GATA6: variants seen among roughly 807,000 people sequenced by gnomAD.
GATA6 encodes the protein transcription factor GATA-6.
A neutral mutation model predicts 48.1 loss-of-function variants in GATA6; 11 were observed. The observed-to-expected ratio is 0.23, with a 90% CI of 0.14 to 0.38. The LOEUF (loss-of-function observed/expected upper bound fraction) is 0.38. Ranked by LOEUF, GATA6 falls within the 10% of genes least tolerant of loss-of-function variation. The pLI is 1.00. For missense variants in GATA6, 795 were observed against 850.3 expected, an observed-to-expected ratio of 0.93 and a Z score of 0.81; for synonymous variants, 419 against 396.1, an observed-to-expected ratio of 1.06 and a Z score of -0.69.
intron 6 of GATA6, among the ~76,000 whole-genome samples, chr18:22,193,325 CA>C (rs2033350214): frequency 1.3e-5 from 2 of 152,286 alleles, no homozygotes; most frequent in East Asian, 3.9e-4. Flanking sequence ...CTATTACTGT[CA>C]CTTTGTATCT....
chr18:22,173,266 TG>T (rs1567993279), intron 2 of GATA6, among the ~76,000 whole-genome samples: 2 of 152,364 alleles, frequency 1.3e-5, no homozygotes, highest in South Asian at 4.1e-4. Context: ...TGCTTTCAAC[TG>T]GCTTATCTTA....
chr18:22,173,111 G>A (rs1465507171), intron 2 of GATA6, among the ~76,000 whole-genome samples: 1 of 152,178 alleles, frequency 6.6e-6, no homozygotes, highest in Non-Finnish European at 1.5e-5. Flanking sequence ...GTATCTGGGA[G>A]CCATTAGGGG....
intron 3 of GATA6, among the ~76,000 whole-genome samples, chr18:22,177,664 C>A (rs1255993617): frequency 6.6e-6 from 1 of 152,100 alleles, no homozygotes; most frequent in Non-Finnish European, 1.5e-5. Flanking sequence ...ATTCGTCCCC[C>A]AAATAGAATA....
rs2033470248 is a variant in GATA6, at chr18:22,202,086, CT to C, written c.*1265del. 1 of 152,128 alleles carries C rather than the reference CT, an allele frequency of 6.6e-6. No individual in the cohort carries two copies. The highest frequency in any genetic ancestry group is 1.5e-5 in the Non-Finnish European group (1 of 68,030). 9.4% of individuals were successfully genotyped at this position (152,128 alleles called of 1,614,324 possible). A position where few individuals can be genotyped will look rare whatever the true frequency, so the allele number is the denominator to read the frequency against. On this transcript the variant is annotated 3_prime_UTR_variant, in exon 7 of 7. Transcript: ENST00000269216. ...TGAAGTTTGCAAAATGCTTTAAGGC[CT>C]TCCTTTCAAAGCATAGTCCTTTTGG...
rs767183588 is a variant in GATA6 at position 22,176,963 on chromosome 18, G to A, written c.1144G>A (p.Glu382Lys). The A allele has an allele frequency of 2.6e-6, 4 of 1,557,334 alleles. No homozygotes were observed. Among genetic ancestry groups the A allele is most frequent in the South Asian group, 2.3e-5 (2 of 85,132 alleles). The change falls in exon 3 of 7, where the codon GAG (glutamate) becomes AAG (lysine). Residue 382 changes from glutamate to lysine, a missense_variant. Around this residue, in one of 5 missense-constraint regions of GATA6, gnomAD observed 591 missense variants for 570.0 expected, o/e 1.04. Transcript: ENST00000269216. Reference sequence around the variant, plus strand: ...CACCGCTGTCGCCGCAGACCTGCTGGAGGACCTGTCCGAGAGCCGCGAGTG... The same window carrying A: ...CACCGCTGTCGCCGCAGACCTGCTGAAGGACCTGTCCGAGAGCCGCGAGTG... Reference protein sequence around the residue: ...VPRGPSADLLEDLSESRECVN... With the variant: ...VPRGPSADLLKDLSESRECVN...
At chr18:22,194,130 C>T (rs1028720096) in intron 6 of GATA6, among the ~76,000 whole-genome samples, 3 of 152,112 alleles carry the variant, frequency 2.0e-5, no homozygotes, top group Non-Finnish European at 2.9e-5. Flanking sequence ...CTCAGGCTAG[C>T]GGATATTTTC....
In GATA6 at chr18:22,170,980, A is replaced by G. The variant is rs2033026696; in HGVS notation, c.-37-128A>G. 6.0e-6 allele frequency: 4 copies of G among 662,010 alleles called. No homozygotes were observed. The highest frequency in any genetic ancestry group is 1.8e-5 in the African/African-American group (1 of 55,752). 41.0% of individuals were successfully genotyped at this position (662,010 alleles called of 1,614,324 possible). A position where few individuals can be genotyped will look rare whatever the true frequency, so the allele number is the denominator to read the frequency against. ...GAAATAGGATCTTTGAGAAGTCTCAAATGGGATCTTTGAGAAGTCAGATCC... is the reference window on the plus strand; with the variant it reads ...GAAATAGGATCTTTGAGAAGTCTCAGATGGGATCTTTGAGAAGTCAGATCC... On this transcript the variant is annotated intron_variant, in intron 1 of 6. Coordinates refer to ENST00000269216, the MANE Select transcript of GATA6 (RefSeq NM_005257.6). The surrounding 1 kb of genome is among the most constrained non-coding windows in gnomAD (Gnocchi z 6.7).
intron 4 of GATA6, 96 bp from the exon 5 acceptor site, chr18:22,182,660 CA>C (rs2033213414): frequency 2.2e-6 from 2 of 921,238 alleles, no homozygotes; most frequent in African/African-American, 3.4e-5. Flanking sequence ...ACTCGGCCGC[CA>C]AATTCTTTTA....
intron 3 of GATA6, among the ~76,000 whole-genome samples, chr18:22,179,508 TA>T (rs1390677667): frequency 6.6e-6 from 1 of 152,232 alleles, no homozygotes; most frequent in Non-Finnish European, 1.5e-5. Context: ...AGTCCTTTGT[TA>T]TAATGGCAAA....
chr18:22,196,307 A>G (rs2033388278), intron 6 of GATA6, among the ~76,000 whole-genome samples: 1 of 152,050 alleles, frequency 6.6e-6, no homozygotes, highest in Admixed American at 6.6e-5. Context: ...TGATAGCAGG[A>G]CTCTTGGCCT....
intron 6 of GATA6, among the ~76,000 whole-genome samples, chr18:22,196,110 C>T (rs1198128030): frequency 6.6e-6 from 1 of 152,162 alleles, no homozygotes; most frequent in Admixed American, 6.5e-5. Flanking sequence ...GTAACATCAG[C>T]CTTTCTTTGC....
At chr18:22,177,216 C>G in intron 3 of GATA6, 95 bp downstream of exon 3, 2 of 1,213,762 alleles carry the variant, frequency 1.6e-6, no homozygotes, top group Non-Finnish European at 2.2e-6. Flanking sequence ...TTGGGCGTCC[C>G]CCTCCCAGGG....
At chr18:22,189,969 C>T (rs569237087) in intron 6 of GATA6, among the ~76,000 whole-genome samples, 1 of 152,290 alleles carries the variant, frequency 6.6e-6, no homozygotes, top group East Asian at 1.9e-4. Context: ...ACGTTGGCCG[C>T]AGGTCTGGCT....
chr18:22,198,509 G>A (rs983427951), intron 6 of GATA6, among the ~76,000 whole-genome samples: 5 of 152,174 alleles, frequency 3.3e-5, no homozygotes, highest in Admixed American at 6.5e-5. Flanking sequence ...CACTTGTTGC[G>A]GTGAAGTCAG....
chr18:22,176,390 T>C (rs2033122217), intron 2 of GATA6: 1 of 152,272 alleles, frequency 6.6e-6, no homozygotes, highest in Non-Finnish European at 1.5e-5. Context: ...GAATAGTACT[T>C]TTAATTTCAC....
At chr18:22,184,790 C>T (rs997697081) in intron 6 of GATA6, among the ~76,000 whole-genome samples, 14 of 152,170 alleles carry the variant, frequency 9.2e-5, no homozygotes, top group East Asian at 3.9e-4. Context: ...TGAGTCACCG[C>T]GCCTGGCCTA....
chr18:22,171,631 G>A lies in GATA6; in HGVS notation c.487G>A (p.Asp163Asn). The change falls in exon 2 of 7, where the codon GAC becomes AAC. Residue 163 changes from aspartate to asparagine, a missense_variant. By Grantham distance (23) the Asp-to-Asn change is conservative. Transcript: ENST00000269216. The surrounding 1 kb of genome is among the most constrained non-coding windows in gnomAD (Gnocchi z 7.1). ...CTCCAGCCAGGGTCCGGCCGCCTAC[G>A]ACGGCGCGCCCGGCGGCTTCGTGCA... is the stretch of plus-strand genomic sequence containing the variant. ...ALSSQGPAAYDGAPGGFVHSA... is the reference protein window; with the variant it reads ...ALSSQGPAAYNGAPGGFVHSA... 1.3e-6 allele frequency: 2 copies of A among 1,595,970 alleles called. No individual in the cohort carries two copies. Among genetic ancestry groups the A allele is most frequent in the Non-Finnish European group, 1.7e-6 (2 of 1,177,728 alleles).
chr18:22,189,881 T>G (rs1427734713), intron 6 of GATA6, among the ~76,000 whole-genome samples: 1 of 152,206 alleles, frequency 6.6e-6, no homozygotes, highest in Non-Finnish European at 1.5e-5. Flanking sequence ...ATTTTATTTT[T>G]TACTCCTCCT....
rs1044896421 is a variant in GATA6, at chr18:22,170,209, C to T, written c.-38+527C>T. Among the ~76,000 whole-genome samples, 1 of 152,212 alleles carries T rather than the reference C, an allele frequency of 6.6e-6. No homozygotes were observed. The highest frequency in any genetic ancestry group is 2.4e-5 in the African/African-American group (1 of 41,468). ...CTCCCCAGCCCGTTGCGTTCCCCCT[C>T]CTTTTCTCTGCTCTCCGCTCCACCC... On this transcript the variant is annotated intron_variant, in intron 1 of 6. Transcript: ENST00000269216. This position sits in a 1 kb window ranked among gnomAD's most constrained non-coding sequence, Gnocchi z 6.7.
Sources: allele counts gnomAD v4.1 joint callset (sites outside exome capture counted in the v4.1 genomes callset), GRCh38; gene constraint gnomAD v4.1.1; regional missense constraint gnomAD v4.1.1; non-coding constraint Gnocchi (gnomAD v3.1); transcripts MANE v1.5; gene names NCBI Gene and HGNC (gene_info 2026-07-23, HGNC 2026-07-21).